APBA1: variants seen among roughly 807,000 people sequenced by gnomAD.
The protein encoded by APBA1 is amyloid-beta A4 precursor protein-binding family A member 1.
APBA1 carries 55 observed loss-of-function variants against 86.6 expected under a neutral mutation model. That is an observed-to-expected ratio of 0.64 (90% CI 0.51 to 0.80). The LOEUF is 0.80. Among genes scored for constraint, APBA1 ranks in the 30% least tolerant of loss-of-function variants. The pLI, the probability that APBA1 is intolerant of heterozygous loss-of-function variation, is 0.00. For synonymous variants in APBA1, 511 were observed against 493.9 expected, an observed-to-expected ratio of 1.03 and a Z score of -0.46; for missense variants, 1,090 against 1,183.0, an observed-to-expected ratio of 0.92 and a Z score of 1.15.
chr9:69,660,329 C>G (rs1266256301), intron 1 of APBA1, among the ~76,000 whole-genome samples: 1 of 152,176 alleles, frequency 6.6e-6, no homozygotes, highest in Non-Finnish European at 1.5e-5. Flanking sequence ...GGAGTTCTGG[C>G]CCCCATGTTA....
intron 1 of APBA1, among the ~76,000 whole-genome samples, chr9:69,543,275 TTCC>T (rs1263420669): frequency 5.5e-4 from 6 of 10,840 alleles, no homozygotes; most frequent in Non-Finnish European, 7.4e-4. Flanking sequence ...GTGCTGGGAT[TTCC>T]CCCCCCCCCC....
At chr9:69,563,617 A>G (rs1201922799) in intron 1 of APBA1, among the ~76,000 whole-genome samples, 7 of 152,194 alleles carry the variant, frequency 4.6e-5, no homozygotes, top group Middle Eastern at 6.8e-3. Context: ...ATTAGCTCAT[A>G]TTATTCTCAA....
chr9:69,545,159 A>G (rs1453507612), intron 1 of APBA1, among the ~76,000 whole-genome samples: 1 of 152,246 alleles, frequency 6.6e-6, no homozygotes. Context: ...GAATGGAGGA[A>G]CAAAACTACC....
intron 1 of APBA1, among the ~76,000 whole-genome samples, chr9:69,519,768 T>C (rs1485719590): frequency 6.6e-6 from 1 of 152,232 alleles, no homozygotes; most frequent in Non-Finnish European, 1.5e-5. Flanking sequence ...GGCTGTTCTT[T>C]AGCTTGATGA....
intron 1 of APBA1, among the ~76,000 whole-genome samples, chr9:69,564,533 C>T (rs1458352579): frequency 1.3e-5 from 2 of 152,086 alleles, no homozygotes; most frequent in Non-Finnish European, 2.9e-5. Flanking sequence ...CTCATGCTGT[C>T]AATCTGTCAA....
intron 3 of APBA1, among the ~76,000 whole-genome samples, chr9:69,472,080 TAAG>T (rs1835375204): frequency 2.6e-5 from 4 of 152,222 alleles, no homozygotes; most frequent in African/African-American, 9.6e-5. Flanking sequence ...TAGCTGAAAT[TAAG>T]AATTCTCTCA....
Position 69,429,943 on chromosome 9 carries a change from A to G in APBA1, c.*1384T>C, listed in dbSNP as rs1419921049. On this transcript the variant is annotated 3_prime_UTR_variant, in exon 13 of 13. Transcript: ENST00000265381. ...CTTTGGACCAAGTGAAAACTGGCTC[A>G]GAATTATAATATTACTAAAACATCT... The G allele has an allele frequency of 6.6e-6, 1 of 152,084 alleles. No individual in the cohort carries two copies. Among genetic ancestry groups the G allele is most frequent in the Non-Finnish European group, 1.5e-5 (1 of 68,020 alleles). The allele number at this position is 152,084 out of a possible 1,614,324, so 9.4% of individuals were successfully genotyped here. A position where few individuals can be genotyped will look rare whatever the true frequency, so the allele number is the denominator to read the frequency against.
intron 1 of APBA1, among the ~76,000 whole-genome samples, chr9:69,541,251 AC>A (rs71500368): frequency 0.069 from 8,407 of 122,506 alleles, 633 homozygotes; most frequent in African/African-American, 0.21. Flanking sequence ...TGTTTTAGGG[AC>A]CCCCCCCCCC....
At chr9:69,440,145 T>C (rs1463539935) in intron 11 of APBA1, among the ~76,000 whole-genome samples, 4 of 152,238 alleles carry the variant, frequency 2.6e-5, no homozygotes, top group South Asian at 2.1e-4. Flanking sequence ...CCTCTGGAAG[T>C]TTTGTCTCAG....
intron 1 of APBA1, among the ~76,000 whole-genome samples, chr9:69,633,277 C>T (rs879505400): frequency 6.6e-6 from 1 of 152,184 alleles, no homozygotes; most frequent in African/African-American, 2.4e-5. Flanking sequence ...TTTAAAGAGT[C>T]GCTTCATTAA....
chr9:69,658,272 C>CTT (rs1491183538), intron 1 of APBA1, among the ~76,000 whole-genome samples: 14,723 of 85,002 alleles, frequency 0.17, 1,505 homozygotes, highest in Admixed American at 0.24. Flanking sequence ...TTCTTTCTTT[C>CTT]TTTCTTTCTT....
At chr9:69,570,657 CTT>C (rs1000338970) in intron 1 of APBA1, among the ~76,000 whole-genome samples, 5 of 152,152 alleles carry the variant, frequency 3.3e-5, no homozygotes, top group Admixed American at 3.3e-4. Flanking sequence ...TTTGGAGACA[CTT>C]TGAGAGAATA....
At chr9:69,523,774 T>G (rs1320973963) in intron 1 of APBA1, among the ~76,000 whole-genome samples, 1 of 151,870 alleles carries the variant, frequency 6.6e-6, no homozygotes, top group African/African-American at 2.4e-5. Context: ...AGACTATACA[T>G]TCTTCTCAAC....
intron 3 of APBA1, among the ~76,000 whole-genome samples, chr9:69,475,185 A>G (rs920012137): frequency 2.0e-5 from 3 of 152,182 alleles, no homozygotes; most frequent in Non-Finnish European, 4.4e-5. Context: ...AGACACCTCA[A>G]TGGGAGAAAG....
chr9:69,632,308 AAT>A (rs1333467440), intron 1 of APBA1, among the ~76,000 whole-genome samples: 1 of 152,146 alleles, frequency 6.6e-6, no homozygotes, highest in African/African-American at 2.4e-5. Flanking sequence ...ACAGGAAGCA[AAT>A]ATTAATCATT....
intron 1 of APBA1, among the ~76,000 whole-genome samples, chr9:69,537,228 C>A (rs1462902330): frequency 1.3e-5 from 2 of 151,812 alleles, no homozygotes; most frequent in Non-Finnish European, 2.9e-5. Context: ...AGTTCTGAAC[C>A]AACAAAGAAA....
intron 1 of APBA1, among the ~76,000 whole-genome samples, chr9:69,587,240 C>T (rs1270433179): frequency 2.0e-5 from 3 of 151,980 alleles, no homozygotes; most frequent in Non-Finnish European, 4.4e-5. Flanking sequence ...ATCAATGGGT[C>T]ACATTCCTTT....
At chr9:69,503,595 G>C (rs1327802981) in intron 2 of APBA1, among the ~76,000 whole-genome samples, 1 of 152,024 alleles carries the variant, frequency 6.6e-6, no homozygotes. Context: ...TGCATTTCTT[G>C]CCAATATAAC....
intron 1 of APBA1, among the ~76,000 whole-genome samples, chr9:69,632,352 T>G (rs992121493): frequency 6.6e-6 from 1 of 152,044 alleles, no homozygotes; most frequent in Non-Finnish European, 1.5e-5. Flanking sequence ...CCCCCAAAGG[T>G]GTCTTATTTA....
Sources: gnomAD v4.1 joint callset for allele counts (sites outside exome capture counted in the v4.1 genomes callset) on GRCh38, gnomAD v4.1.1 for gene constraint, MANE v1.5 for transcripts, NCBI Gene and HGNC (gene_info 2026-07-23, HGNC 2026-07-21) for gene names.